Variants in ANKRD28 observed in about 807,000 individuals in gnomAD.
ANKRD28 encodes serine/threonine-protein phosphatase 6 regulatory ankyrin repeat subunit A.
A neutral mutation model predicts 126.5 loss-of-function variants in ANKRD28; 44 were observed. The observed-to-expected ratio is 0.35, with a 90% CI of 0.27 to 0.45. The LOEUF is 0.45. Among genes scored for constraint, ANKRD28 ranks in the 20% least tolerant of loss-of-function variants. The pLI, the probability that ANKRD28 is intolerant of heterozygous loss-of-function variation, is 1.00. For missense variants in ANKRD28, 1,110 were observed against 1,316.6 expected, an observed-to-expected ratio of 0.84 and a Z score of 2.43; for synonymous variants, 442 against 468.5, an observed-to-expected ratio of 0.94 and a Z score of 0.73.
chr3:15,795,123 T>C, intron 2 of ANKRD28, 100 bp downstream of exon 2: 2 of 838,914 alleles, frequency 2.4e-6, no homozygotes, highest in South Asian at 3.2e-5. Context: ...AAACAACTGT[T>C]ACAGAGTTAT....
chr3:15,686,154 C>T (rs1046993152), intron 19 of ANKRD28, 35 bp from the exon 20 acceptor site: 30 of 1,602,072 alleles, frequency 1.9e-5, no homozygotes, highest in Non-Finnish European at 2.6e-5. Flanking sequence ...AGTGCTGTCA[C>T]TTAAGACTGT....
chr3:15,674,223 A>G, intron 27 of ANKRD28, among the ~76,000 whole-genome samples: 1 of 151,214 alleles, frequency 6.6e-6, no homozygotes, highest in East Asian at 2.0e-4. Context: ...ATTCAAGAGT[A>G]ACATGTTCTC....
chr3:15,802,301 G>A (rs2060479020), upstream of ANKRD28, among the ~76,000 whole-genome samples: 1 of 152,156 alleles, frequency 6.6e-6, no homozygotes, highest in Non-Finnish European at 1.5e-5. Context: ...AACTACACTA[G>A]AAGGGAGCTG....
chr3:15,806,551 T>G (rs900220991), intron 1 of ANKRD28, among the ~76,000 whole-genome samples: 1 of 151,682 alleles, frequency 6.6e-6, no homozygotes, highest in Non-Finnish European at 1.5e-5. Flanking sequence ...AGACAGAGTC[T>G]CACTCTGTCA....
chr3:15,803,140 A>G (rs763177452), intron 1 of ANKRD28, among the ~76,000 whole-genome samples: 8 of 152,228 alleles, frequency 5.3e-5, no homozygotes, highest in Non-Finnish European at 1.2e-4. Flanking sequence ...GAACTCATTA[A>G]AAATTTTTAA....
At chr3:15,851,332 G>A (rs1033320837) in intron 1 of ANKRD28, among the ~76,000 whole-genome samples, 13 of 151,802 alleles carry the variant, frequency 8.6e-5, no homozygotes, top group Non-Finnish European at 1.5e-4. Flanking sequence ...GCTTGAACTC[G>A]TAAGTTCAAG....
intron 1 of ANKRD28, among the ~76,000 whole-genome samples, chr3:15,826,960 T>C (rs981708299): frequency 6.6e-6 from 1 of 152,196 alleles, no homozygotes; most frequent in Non-Finnish European, 1.5e-5. Flanking sequence ...CTTTAAAATC[T>C]CCTATATTAG....
chr3:15,742,098 T>A (rs989700840), intron 4 of ANKRD28, among the ~76,000 whole-genome samples: 8 of 152,156 alleles, frequency 5.3e-5, no homozygotes, highest in Non-Finnish European at 1.0e-4. Flanking sequence ...AACCTCCACC[T>A]CCCAGCCACC....
intron 14 of ANKRD28, among the ~76,000 whole-genome samples, chr3:15,707,494 C>A (rs927027074): frequency 6.6e-6 from 1 of 152,164 alleles, no homozygotes; most frequent in Non-Finnish European, 1.5e-5. Context: ...ACAAGGGTTC[C>A]TTGCAAATCT....
At chr3:15,721,508 G>A (rs919785869) in intron 7 of ANKRD28, among the ~76,000 whole-genome samples, 1 of 151,980 alleles carries the variant, frequency 6.6e-6, no homozygotes, top group African/African-American at 2.4e-5. Context: ...AAGATTCTGA[G>A]GTATATTCAG....
At chr3:15,703,261 A>G (rs894301741) in intron 14 of ANKRD28, among the ~76,000 whole-genome samples, 1 of 152,248 alleles carries the variant, frequency 6.6e-6, no homozygotes, top group South Asian at 2.1e-4. Context: ...CATTTTTATG[A>G]AGTTTGAAAA....
At chr3:15,709,227 T>G (rs2126040189) in intron 13 of ANKRD28, among the ~76,000 whole-genome samples, 1 of 152,304 alleles carries the variant, frequency 6.6e-6, no homozygotes, top group African/African-American at 2.4e-5. Context: ...CATATATATT[T>G]ATAACCTATT....
rs1208183277 is a variant in ANKRD28 at position 15,669,602 on chromosome 3, GA to G, written c.*667del. 6.6e-6 allele frequency: 1 copy of G among 151,084 alleles called. No homozygotes were observed. Among genetic ancestry groups the G allele is most frequent in the Non-Finnish European group, 1.5e-5 (1 of 67,770 alleles). The allele number at this position is 151,084 out of a possible 1,614,324, so 9.4% of individuals were successfully genotyped here. ...GGAAATTTGAAATAGTTCTGTAAAA[GA>G]AAAAAATGTAAAAATACATCTGCTT... On this transcript the variant is annotated 3_prime_UTR_variant, in exon 28 of 28. Transcript: ENST00000683139.
At chr3:15,761,818 TA>T (rs1484814355) in intron 3 of ANKRD28, among the ~76,000 whole-genome samples, 7 of 152,118 alleles carry the variant, frequency 4.6e-5, no homozygotes, top group Non-Finnish European at 8.8e-5. Flanking sequence ...TTAAAATGGA[TA>T]TAACATGAAT....
rs1202659264 is a variant in ANKRD28 at position 15,814,972 on chromosome 3, T to C, written c.28-19666A>G. On this transcript the variant is annotated intron_variant, in intron 1 of 27. Transcript: ENST00000399451. This position sits in a 1 kb window ranked among gnomAD's most constrained non-coding sequence, Gnocchi z 4.7. ...TTGCTTGTCTCCATCACTCCTCATTTAACAATGTGGACCTTAAATATTCCG... is the reference window on the plus strand; with the variant it reads ...TTGCTTGTCTCCATCACTCCTCATTCAACAATGTGGACCTTAAATATTCCG... Among the ~76,000 whole-genome samples the C allele has an allele frequency of 1.3e-5, 2 of 151,176 alleles. No individual in the cohort carries two copies. Among genetic ancestry groups the C allele is most frequent in the Non-Finnish European group, 3.0e-5 (2 of 67,762 alleles).
intron 1 of ANKRD28, among the ~76,000 whole-genome samples, chr3:15,847,347 AC>A (rs1365047743): frequency 1.3e-5 from 2 of 152,132 alleles, no homozygotes; most frequent in East Asian, 3.9e-4. Flanking sequence ...TTTCTTCCTA[AC>A]TCTAGCAGCT....
At chr3:15,753,335 A>G (rs2057971856) in intron 3 of ANKRD28, among the ~76,000 whole-genome samples, 1 of 152,268 alleles carries the variant, frequency 6.6e-6, no homozygotes, top group African/African-American at 2.4e-5. Flanking sequence ...AAGTACACAC[A>G]TTTGAAATGT....
intron 14 of ANKRD28, among the ~76,000 whole-genome samples, chr3:15,707,119 C>T: frequency 6.6e-6 from 1 of 152,096 alleles, no homozygotes; most frequent in Non-Finnish European, 1.5e-5. Flanking sequence ...ATATGAAGTA[C>T]ATTTTATAAC....
chr3:15,722,146 T>G (rs1307909633), intron 7 of ANKRD28, among the ~76,000 whole-genome samples: 1 of 152,182 alleles, frequency 6.6e-6, no homozygotes, highest in Admixed American at 6.5e-5. Flanking sequence ...TGCCCCTGGC[T>G]TCAGGGAGGT....
Sources: gnomAD v4.1 joint callset for allele counts (sites outside exome capture counted in the v4.1 genomes callset) on GRCh38, gnomAD v4.1.1 for gene constraint, Gnocchi (gnomAD v3.1) non-coding constraint, MANE v1.5 for transcripts, NCBI Gene and HGNC (gene_info 2026-07-23, HGNC 2026-07-21) for gene names.